Variants in ALMS1 observed in about 807,000 individuals in gnomAD.
ALMS1 encodes centrosome-associated protein ALMS1.
Under a neutral mutation model 352.2 loss-of-function variants are expected in ALMS1, and 271 were observed. The ratio of observed to expected loss-of-function variants is 0.77; its 90% CI spans 0.70 to 0.85. ALMS1 has a LOEUF of 0.85. ALMS1 is among the 40% of genes least tolerant of loss of function. ALMS1 has a pLI of 0.00. For missense variants in ALMS1, 5,445 were observed against 4,870.7 expected (o/e 1.12, Z -3.51); for synonymous variants, 1,865 against 1,761.2 (o/e 1.06, Z -1.48).
chr2:73,542,377 T>G (rs1306710085), intron 12 of ALMS1, among the ~76,000 whole-genome samples: 1 of 152,060 alleles, frequency 6.6e-6, no homozygotes, highest in Non-Finnish European at 1.5e-5. Context: ...CTCAAAATAA[T>G]AAGAGCTATC....
chr2:73,444,451 C>T (rs1671770681), intron 7 of ALMS1, among the ~76,000 whole-genome samples: 1 of 152,172 alleles, frequency 6.6e-6, no homozygotes, highest in African/African-American at 2.4e-5. Flanking sequence ...CCTCTGCCCA[C>T]TTAGGAATGA....
chr2:73,599,489 A>G lies in ALMS1; in HGVS notation c.11636A>G (p.Asn3879Ser). ...SSNSTFCNKQ[N>S]VHMLNKGIQA... ...AACTCTACTTTTTGCAACAAGCAGA[A>G]TGTACACATGTTAAACAAGGGCATA... Residue 3879 changes from asparagine to serine, a missense_variant, in exon 17 of 23, where the codon AAT becomes AGT. Asn to Ser is a conservative substitution (Grantham distance 46, BLOSUM62 1). Transcript: ENST00000613296. 1 of 1,613,712 alleles carries G rather than the reference A, an allele frequency of 6.2e-7. No individual in the cohort carries two copies. The highest frequency in any genetic ancestry group is 8.5e-7 in the Non-Finnish European group (1 of 1,179,738).
Position 73,451,848 on chromosome 2 carries a change from C to T in ALMS1, c.5321C>T (p.Pro1774Leu). Residue 1774 changes from proline (P) to leucine (L), a missense_variant, in exon 8 of 23, where the codon CCA becomes CTA. Coordinates refer to ENST00000613296, the MANE Select transcript of ALMS1 (RefSeq NM_001378454.1). ...KPNISYQQEL[P>L]DSHLTEEALK... The stretch of plus-strand genomic sequence containing the variant: ...AATATTTCTTACCAGCAAGAGTTGC[C>T]AGATAGTCATCTAACTGAAGAGGCT... 1 of 1,613,934 alleles carries T rather than the reference C, an allele frequency of 6.2e-7. No homozygotes were observed. Among genetic ancestry groups the T allele is most frequent in the Non-Finnish European group, 8.5e-7 (1 of 1,179,960 alleles).
intron 9 of ALMS1, among the ~76,000 whole-genome samples, chr2:73,486,136 T>TC (rs1333258702): frequency 6.6e-6 from 1 of 152,040 alleles, no homozygotes; most frequent in Non-Finnish European, 1.5e-5. Context: ...GTCTTTTTTT[T>TC]CCCTTTTTAC....
rs1221539994 is a variant in ALMS1 at position 73,523,787 on chromosome 2, A to G, written c.9781+3771A>G. On this transcript the variant is annotated intron_variant, in intron 11 of 22. Transcript: ENST00000613296. Reference sequence around the variant, plus strand: ...TTCCCCCTTCCCCACCAAAAAAAAAAAAAGATTATTGTTTCCAGAGGAGAG... The same window carrying G: ...TTCCCCCTTCCCCACCAAAAAAAAAGAAAGATTATTGTTTCCAGAGGAGAG... Among the ~76,000 whole-genome samples the G allele has an allele frequency of 9.3e-4, 141 of 152,144 alleles. 1 individual carries two copies. The highest frequency in any genetic ancestry group is 2.9e-5 in the Non-Finnish European group (2 of 68,030).
chr2:73,462,070 G>A (rs1234325813), intron 9 of ALMS1, among the ~76,000 whole-genome samples: 1 of 151,876 alleles, frequency 6.6e-6, no homozygotes, highest in Admixed American at 6.5e-5. Flanking sequence ...ATCTAGCAAG[G>A]CAGGCCAACA....
At chr2:73,585,369 C>G (rs1675286571) in intron 16 of ALMS1, among the ~76,000 whole-genome samples, 1 of 150,310 alleles carries the variant, frequency 6.7e-6, no homozygotes, top group African/African-American at 2.5e-5. Context: ...ATTTGCATTT[C>G]CCTTACAATT....
At chr2:73,465,827 T>C (rs897977109) in intron 9 of ALMS1, among the ~76,000 whole-genome samples, 25 of 152,194 alleles carry the variant, frequency 1.6e-4, no homozygotes, top group African/African-American at 4.8e-4. Context: ...GGGTGAAGGA[T>C]ATGAACAGAC....
At chr2:73,589,331 G>C (rs1675374602) in intron 16 of ALMS1, among the ~76,000 whole-genome samples, 1 of 152,188 alleles carries the variant, frequency 6.6e-6, no homozygotes, top group South Asian at 2.1e-4. Context: ...AACCCTTCTA[G>C]AAGTATAGTG....
intron 16 of ALMS1, among the ~76,000 whole-genome samples, chr2:73,573,852 T>G (rs572690494): frequency 6.0e-3 from 83 of 13,902 alleles, no homozygotes; most frequent in African/African-American, 8.3e-3. Flanking sequence ...TAATACAGGG[T>G]TTTTTTTTTT....
intron 1 of ALMS1, among the ~76,000 whole-genome samples, chr2:73,402,662 C>T (rs993399795): frequency 6.6e-6 from 1 of 152,106 alleles, no homozygotes; most frequent in African/African-American, 2.4e-5. Flanking sequence ...CTCTTTTTTC[C>T]ACACCCTTGC....
chr2:73,459,831 G>A (rs550366172), intron 9 of ALMS1, among the ~76,000 whole-genome samples: 10 of 152,268 alleles, frequency 6.6e-5, no homozygotes, highest in Admixed American at 4.6e-4. Flanking sequence ...AGAGTGGCAT[G>A]TAGAAACTAA....
intron 12 of ALMS1, among the ~76,000 whole-genome samples, chr2:73,549,854 CGTTT>C (rs897166895): frequency 2.0e-4 from 30 of 151,792 alleles, no homozygotes; most frequent in Admixed American, 2.6e-4. Flanking sequence ...TTTGTTTGTT[CGTTT>C]GTTTGTTTGT....
In ALMS1 at chr2:73,386,034, T is replaced by C; in HGVS notation, c.166T>C (p.Ser56Pro). The C allele has an allele frequency of 6.4e-7, 1 of 1,561,952 alleles. No homozygotes were observed. The highest frequency in any genetic ancestry group is 8.7e-7 in the Non-Finnish European group (1 of 1,153,462). Residue 56 changes from serine (S) to proline (P), a missense_variant, in exon 1 of 23, where the codon TCC becomes CCC. Coordinates refer to ENST00000613296, the MANE Select transcript of ALMS1 (RefSeq NM_001378454.1). Reference sequence around the variant, plus strand: ...GGAAGAGGCGGGGCGGGAGTTGGACTCCGACTCTCACTACGGGCCCCAGCA... The same window carrying C: ...GGAAGAGGCGGGGCGGGAGTTGGACCCCGACTCTCACTACGGGCCCCAGCA... ...VEEEAGRELD[S>P]DSHYGPQHLE...
intron 12 of ALMS1, among the ~76,000 whole-genome samples, chr2:73,549,245 T>G (rs1674380613): frequency 6.6e-6 from 1 of 152,220 alleles, no homozygotes; most frequent in African/African-American, 2.4e-5. Flanking sequence ...TGTGGGAATA[T>G]TGAAATATAT....
Position 73,491,059 on chromosome 2 carries a change from G to C in ALMS1, c.9100G>C (p.Ala3034Pro), listed in dbSNP as rs529686228. Residue 3034 changes from alanine (A) to proline (P), a missense_variant, in exon 10 of 23, where the codon GCA becomes CCA. Transcript: ENST00000613296. ...APNHCTLAAS[A>P]STPPSNRKAL... ...AAATCACTGTACATTAGCAGCATCT[G>C]CATCTACTCCTCCTTCAAATAGAAA... The C allele has an allele frequency of 1.3e-5, 21 of 1,614,204 alleles. No individual in the cohort carries two copies. The South Asian group carries it at 2.1e-4, about 16-fold the overall frequency.
intron 12 of ALMS1, among the ~76,000 whole-genome samples, chr2:73,544,344 A>T (rs1212452076): frequency 6.6e-6 from 1 of 152,138 alleles, no homozygotes; most frequent in Non-Finnish European, 1.5e-5. Flanking sequence ...GGAAGGGAAC[A>T]TCACACACTG....
intron 11 of ALMS1, among the ~76,000 whole-genome samples, chr2:73,521,612 CTG>C (rs1020624245): frequency 5.4e-5 from 8 of 148,280 alleles, no homozygotes; most frequent in African/African-American, 9.9e-5. Context: ...TAGCCGGACA[CTG>C]TGGCGGGTGC....
At chr2:73,414,008 T>C (rs1383078503) in intron 2 of ALMS1, among the ~76,000 whole-genome samples, 1 of 152,216 alleles carries the variant, frequency 6.6e-6, no homozygotes. Flanking sequence ...TTCAGATTCT[T>C]GGAATTTCTA....
Sources: allele counts gnomAD v4.1 joint callset (sites outside exome capture counted in the v4.1 genomes callset), GRCh38; gene constraint gnomAD v4.1.1; transcripts MANE v1.5; gene names NCBI Gene and HGNC (gene_info 2026-07-23, HGNC 2026-07-21).